ZNF487: variants seen among roughly 807,000 people sequenced by gnomAD.
The protein encoded by ZNF487 is KRAB domain only 1.
In ZNF487, 4 loss-of-function variants were observed where a neutral mutation model predicts 3.0. That is an observed-to-expected ratio of 1.35 (90% confidence interval 0.66 to 3.08). The LOEUF is 3.08. Among genes scored for constraint, ZNF487 ranks in the 30% most tolerant of loss-of-function variants. The probability of loss-of-function intolerance (pLI) is 0.01; values close to 1 mark genes in which losing one functional copy is unlikely to be tolerated. For missense variants in ZNF487, 146 were observed against 98.7 expected (o/e 1.48, Z -2.03); for synonymous variants, 55 against 34.6 (o/e 1.59, Z -2.06).
intron 1 of ZNF487, among the ~76,000 whole-genome samples, 151 bp downstream of exon 1, chr10:43,437,413 T>C (rs1485061128): frequency 6.6e-6 from 1 of 152,070 alleles, no homozygotes; most frequent in African/African-American, 2.4e-5. Context: ...GGAGGATCTT[T>C]GACCCCAGTG....
intron 1 of ZNF487, among the ~76,000 whole-genome samples, chr10:43,455,333 C>T (rs1233003659): frequency 6.6e-6 from 1 of 152,174 alleles, no homozygotes; most frequent in African/African-American, 2.4e-5. Context: ...TTATTCACCC[C>T]CAAATTCTGT....
chr10:43,514,617 T>C, the ZNF487 span, among the ~76,000 whole-genome samples: 2 of 152,224 alleles, frequency 1.3e-5, no homozygotes, highest in Non-Finnish European at 2.9e-5. Flanking sequence ...CCACTTTGCC[T>C]CTGCTGTCCA....
the ZNF487 span, among the ~76,000 whole-genome samples, chr10:43,493,707 AAAATATATATATATAT>A: frequency 0.017 from 929 of 53,882 alleles, 73 homozygotes; most frequent in African/African-American, 0.049. Context: ...AAAAAAAAAA[AAAATATATATATATAT>A]ATATATATAT....
chr10:43,442,954 TTTTAA>T (rs1353335521), intron 1 of ZNF487, among the ~76,000 whole-genome samples: 1 of 152,176 alleles, frequency 6.6e-6, no homozygotes, highest in African/African-American at 2.4e-5. Flanking sequence ...GGTATTTTAT[TTTTAA>T]TTTAATTTAG....
chr10:43,493,861 A>G, the ZNF487 span, among the ~76,000 whole-genome samples: 1 of 150,706 alleles, frequency 6.6e-6, no homozygotes, highest in African/African-American at 2.4e-5. Context: ...CGTGATATGC[A>G]CTGGTAATAA....
the ZNF487 span, among the ~76,000 whole-genome samples, chr10:43,504,564 G>A: frequency 6.6e-6 from 1 of 151,902 alleles, no homozygotes; most frequent in Non-Finnish European, 1.5e-5. Flanking sequence ...CAAAGTGCTG[G>A]GATTACAGGC....
chr10:43,515,705 T>A, the ZNF487 span, among the ~76,000 whole-genome samples: 2 of 152,212 alleles, frequency 1.3e-5, no homozygotes, highest in Non-Finnish European at 2.9e-5. Flanking sequence ...GAGATAAGAC[T>A]CACTCAGGGC....
At chr10:43,474,993 T>TC (rs1427351845) in intron 1 of ZNF487, among the ~76,000 whole-genome samples, 2 of 152,002 alleles carry the variant, frequency 1.3e-5, no homozygotes, top group East Asian at 3.9e-4. Context: ...GCCAGGCTCC[T>TC]CCCCCCTGTA....
At chr10:43,503,027 CAAAA>C in the ZNF487 span, among the ~76,000 whole-genome samples, 11 of 95,692 alleles carry the variant, frequency 1.1e-4, no homozygotes, top group African/African-American at 2.9e-4. Flanking sequence ...GACCCTGTCT[CAAAA>C]AAAAAAAAAA....
chr10:43,479,224 A>G (rs1210641347), intron 3 of ZNF487, among the ~76,000 whole-genome samples: 5 of 151,750 alleles, frequency 3.3e-5, no homozygotes, highest in Admixed American at 1.3e-4. Flanking sequence ...TCTGCCTCCC[A>G]GAGTGCTGGT....
chr10:43,482,021 A>G lies in ZNF487; in HGVS notation c.*99A>G. ...AGTCACCATGAATTCAATGAATGTG[A>G]GAGGAGGTCTGGTGAGAGGCCACCT... On this transcript the variant is annotated 3_prime_UTR_variant, in exon 4 of 4. Transcript: ENST00000437590. The G allele has an allele frequency of 1.7e-6, 1 of 588,322 alleles. No homozygotes were observed. The allele number at this position is 588,322 out of a possible 1,614,324, so 36.4% of individuals were successfully genotyped here.
intron 1 of ZNF487, among the ~76,000 whole-genome samples, chr10:43,475,345 C>T (rs890296254): frequency 1.3e-5 from 2 of 151,950 alleles, no homozygotes; most frequent in Non-Finnish European, 2.9e-5. Flanking sequence ...ATGGTGAGAC[C>T]TTGTCTCTAC....
chr10:43,509,039 C>G, the ZNF487 span, among the ~76,000 whole-genome samples: 7 of 147,486 alleles, frequency 4.7e-5, no homozygotes, highest in Middle Eastern at 3.8e-3. Context: ...ACTAAAAATA[C>G]AAAAATTAGC....
chr10:43,455,911 C>G (rs10899808), intron 1 of ZNF487, among the ~76,000 whole-genome samples: 10,909 of 152,346 alleles, frequency 0.072, 545 homozygotes, highest in East Asian at 0.2. Context: ...ACCGCCCGCT[C>G]TAGCACAGTC....
chr10:43,493,686 T>C, the ZNF487 span, among the ~76,000 whole-genome samples: 1 of 25,036 alleles, frequency 4.0e-5, no homozygotes, highest in Non-Finnish European at 5.9e-5. Flanking sequence ...AGACCCTTCC[T>C]CAAAAAAAGA....
the ZNF487 span, among the ~76,000 whole-genome samples, chr10:43,492,032 C>T: frequency 6.6e-6 from 1 of 151,730 alleles, no homozygotes; most frequent in Non-Finnish European, 1.5e-5. Flanking sequence ...CTCCTAGGCT[C>T]AAGTGATTCT....
chr10:43,441,447 A>G (rs966758346), intron 1 of ZNF487, among the ~76,000 whole-genome samples: 1 of 151,692 alleles, frequency 6.6e-6, no homozygotes, highest in Non-Finnish European at 1.5e-5. Flanking sequence ...TTGTATTTTT[A>G]GTAGAGACGG....
chr10:43,469,040 T>C (rs958773577), intron 1 of ZNF487, among the ~76,000 whole-genome samples: 2 of 142,144 alleles, frequency 1.4e-5, no homozygotes, highest in Admixed American at 7.1e-5. Flanking sequence ...AGTCAATCAG[T>C]GTGGCAGACT....
At chr10:43,517,886 A>T in the ZNF487 span, among the ~76,000 whole-genome samples, 1 of 152,158 alleles carries the variant, frequency 6.6e-6, no homozygotes, top group Non-Finnish European at 1.5e-5. Context: ...AACTGAACAG[A>T]AATAGGAGTT....
Sources: allele counts gnomAD v4.1 joint callset (sites outside exome capture counted in the v4.1 genomes callset), GRCh38; gene constraint gnomAD v4.1.1; transcripts MANE v1.5; gene names NCBI Gene and HGNC (gene_info 2026-07-23, HGNC 2026-07-21).